Variants in CCDC18 observed in about 807,000 individuals in gnomAD.
CCDC18 encodes the protein coiled-coil domain-containing protein 18.
In CCDC18, 157 loss-of-function variants were observed where a neutral mutation model predicts 196.0. That is an observed-to-expected ratio of 0.80 (90% confidence interval 0.70 to 0.91). The LOEUF (loss-of-function observed/expected upper bound fraction) is 0.91, where lower values mean the gene tolerates loss of function less well. Ranked by LOEUF, CCDC18 falls within the 40% of genes least tolerant of loss-of-function variation. The pLI is 0.00. For missense variants in CCDC18, 1,465 were observed against 1,611.6 expected, an observed-to-expected ratio of 0.91 and a Z score of 1.56; for synonymous variants, 482 against 529.2, an observed-to-expected ratio of 0.91 and a Z score of 1.22.
upstream of CCDC18, chr1:93,180,719 G>T (rs1312477454): frequency 7.4e-7 from 1 of 1,360,488 alleles, no homozygotes. Flanking sequence ...AACGGCTCCC[G>T]CGGCGGTTCG....
chr1:93,256,635 T>C lies in CCDC18; in HGVS notation c.3546+97T>C, dbSNP rs975803494. The C allele has an allele frequency of 1.1e-5, 11 of 973,904 alleles. No homozygotes were observed. In the South Asian group the frequency reaches 1.7e-4, roughly 15 times the overall value. The allele number at this position is 973,904 out of a possible 1,614,324, so 60.3% of individuals were successfully genotyped here. On this transcript the variant is annotated intron_variant, in intron 25 of 28. Coordinates refer to ENST00000690025, the MANE Select transcript of CCDC18 (RefSeq NM_001378204.1). ...ATATAGTTCTTTCAAAAATGAACTG[T>C]ATTGCACAACAGTGTGAATGTACTT...
chr1:93,273,229 C>T (rs886312747), intron 28 of CCDC18, among the ~76,000 whole-genome samples: 12 of 151,756 alleles, frequency 7.9e-5, no homozygotes, highest in East Asian at 1.9e-4. Context: ...CCACCACGCC[C>T]GGCTAATTTT....
chr1:93,240,515 G>T (rs997770205), intron 21 of CCDC18, among the ~76,000 whole-genome samples: 2 of 152,132 alleles, frequency 1.3e-5, no homozygotes, highest in Non-Finnish European at 1.5e-5. Context: ...TTCAGAAAAG[G>T]AAAATAGAAT....
At chr1:93,211,161 C>T (rs1655560450) in intron 10 of CCDC18, among the ~76,000 whole-genome samples, 1 of 151,890 alleles carries the variant, frequency 6.6e-6, no homozygotes, top group Non-Finnish European at 1.5e-5. Context: ...GCCTGTAATC[C>T]CCACTACTTG....
intron 24 of CCDC18, 104 bp downstream of exon 24, chr1:93,254,718 A>G (rs967561712): frequency 1.5e-4 from 165 of 1,098,876 alleles, no homozygotes; most frequent in Non-Finnish European, 2.1e-4. Flanking sequence ...AAACTGTGCC[A>G]TAACTGTTTT....
At chr1:93,182,375 A>G (rs573141865) in intron 1 of CCDC18, among the ~76,000 whole-genome samples, 2 of 152,316 alleles carry the variant, frequency 1.3e-5, no homozygotes, top group South Asian at 2.1e-4. Flanking sequence ...AGCTTCTCTA[A>G]GTACATTGCG....
At chr1:93,224,983 A>G (rs1570440797) in intron 16 of CCDC18, among the ~76,000 whole-genome samples, 1 of 152,236 alleles carries the variant, frequency 6.6e-6, no homozygotes, top group Non-Finnish European at 1.5e-5. Context: ...TAATGATTTC[A>G]TATACAGACT....
rs867691407 is a variant in CCDC18 at position 93,252,015 on chromosome 1, G to A, written c.3199-2456G>A. Among the ~76,000 whole-genome samples, 1,202 of 123,024 alleles carry A rather than the reference G, an allele frequency of 9.8e-3. 4 individuals carry two copies. Among genetic ancestry groups the A allele is most frequent in the Middle Eastern group, 0.019 (5 of 268 alleles). 80.7% of individuals were successfully genotyped at this position (123,024 alleles called of 152,430 possible). A position where few individuals can be genotyped will look rare whatever the true frequency, so the allele number is the denominator to read the frequency against. On this transcript the variant is annotated intron_variant, in intron 23 of 28. Transcript: ENST00000690025. ...GTGTAGTCTATTTATCTATCTATCT[G>A]TCTGTCTATCTATCTATCTATCTAT...
At chr1:93,224,006 G>A (rs779243308) in intron 16 of CCDC18, among the ~76,000 whole-genome samples, 1 of 151,616 alleles carries the variant, frequency 6.6e-6, no homozygotes. Flanking sequence ...TTCAAACTCT[G>A]TTCAAATAAG....
intron 23 of CCDC18, 147 bp downstream of exon 23, chr1:93,247,101 C>T: frequency 2.0e-6 from 1 of 492,420 alleles, no homozygotes; most frequent in Non-Finnish European, 3.7e-6. Flanking sequence ...CTCTGTCACC[C>T]AGGCTGGAGA....
At chr1:93,276,885 T>G in intron 28 of CCDC18, among the ~76,000 whole-genome samples, 3 of 147,884 alleles carry the variant, frequency 2.0e-5, no homozygotes, top group South Asian at 2.2e-4. Flanking sequence ...GAGAAAGAAA[T>G]AAGGGGACCC....
At chr1:93,210,627 A>G (rs1390946479) in intron 9 of CCDC18, among the ~76,000 whole-genome samples, 175 bp from the exon 10 acceptor site, 2 of 152,076 alleles carry the variant, frequency 1.3e-5, no homozygotes, top group South Asian at 2.1e-4. Flanking sequence ...TCTTTTAACT[A>G]TTGTAGTTTT....
At chr1:93,246,755 A>G in intron 22 of CCDC18, 83 bp from the exon 23 acceptor site, 1 of 687,290 alleles carries the variant, frequency 1.5e-6, no homozygotes, top group Admixed American at 2.7e-5. Context: ...TATACTTGCT[A>G]TAAACAATTA....
intron 21 of CCDC18, among the ~76,000 whole-genome samples, chr1:93,244,237 C>G (rs1046776003): frequency 3.3e-5 from 5 of 152,174 alleles, no homozygotes; most frequent in African/African-American, 7.2e-5. Context: ...GACTTATTCA[C>G]TGTCACAAGA....
intron 6 of CCDC18, among the ~76,000 whole-genome samples, chr1:93,201,308 A>AT (rs1273101706): frequency 6.6e-6 from 1 of 152,190 alleles, no homozygotes; most frequent in African/African-American, 2.4e-5. Flanking sequence ...TTCTCAATGT[A>AT]TTGTGCCCCA....
intron 12 of CCDC18, 129 bp downstream of exon 12, chr1:93,215,095 G>A: frequency 1.9e-6 from 1 of 516,348 alleles, no homozygotes; most frequent in Non-Finnish European, 3.4e-6. Context: ...TACCACATAA[G>A]TTATAAATTG....
At chr1:93,276,488 T>C (rs1405758671) in intron 28 of CCDC18, among the ~76,000 whole-genome samples, 3 of 152,198 alleles carry the variant, frequency 2.0e-5, no homozygotes, top group African/African-American at 7.2e-5. Context: ...TAAAAAGTTA[T>C]TACTTCTATT....
chr1:93,191,039 AG>A, intron 4 of CCDC18: 1 of 889,200 alleles, frequency 1.1e-6, no homozygotes, highest in Non-Finnish European at 1.8e-6. Context: ...AAAGTCCTGC[AG>A]GTTTTAGGAA....
At chr1:93,195,011 C>T (rs1038600315) in intron 6 of CCDC18, among the ~76,000 whole-genome samples, 14 of 152,166 alleles carry the variant, frequency 9.2e-5, no homozygotes, top group African/African-American at 3.4e-4. Context: ...GCTGAGATTA[C>T]AGGCATGCAC....
Sources: allele counts gnomAD v4.1 joint callset (sites outside exome capture counted in the v4.1 genomes callset), GRCh38; gene constraint gnomAD v4.1.1; transcripts MANE v1.5; gene names NCBI Gene and HGNC (gene_info 2026-07-23, HGNC 2026-07-21).